MAPK8IP3: variants seen among roughly 807,000 people sequenced by gnomAD.
MAPK8IP3 encodes the protein C-Jun-amino-terminal kinase-interacting protein 3.
A neutral mutation model predicts 157.8 loss-of-function variants in MAPK8IP3; 49 were observed. That is an observed-to-expected ratio of 0.31 (90% CI 0.25 to 0.39). The LOEUF (loss-of-function observed/expected upper bound fraction) is 0.39, where lower values mean the gene tolerates loss of function less well. Among genes scored for constraint, MAPK8IP3 ranks in the 10% least tolerant of loss-of-function variants. The pLI is 1.00. For missense variants in MAPK8IP3, 1,478 were observed against 1,889.4 expected (o/e 0.78, Z 4.04); for synonymous variants, 897 against 777.7 (o/e 1.15, Z -2.55).
intron 8 of MAPK8IP3, among the ~76,000 whole-genome samples, chr16:1,750,369 C>T (rs1258274624): frequency 5.9e-5 from 9 of 151,976 alleles, no homozygotes; most frequent in Admixed American, 2.6e-4. Flanking sequence ...CGCGCCACCA[C>T]GCCCGGCTAA....
rs1490283480 is a variant in MAPK8IP3, at chr16:1,766,665, G to A, written c.2939+17G>A. Reference sequence around the variant, plus strand: ...GAACGGCTGGTAGGAAGGGCCCGGGGCAAGGTGGAGGGAGGGTCCTGGGTG... The same window carrying A: ...GAACGGCTGGTAGGAAGGGCCCGGGACAAGGTGGAGGGAGGGTCCTGGGTG... On this transcript the variant is annotated intron_variant, in intron 23 of 31. Transcript: ENST00000610761. 1 of 1,612,386 alleles carries A rather than the reference G, an allele frequency of 6.2e-7. No individual in the cohort carries two copies. Among genetic ancestry groups the A allele is most frequent in the Non-Finnish European group, 8.5e-7 (1 of 1,179,884 alleles).
chr16:1,749,203 G>A (rs1596713980), intron 8 of MAPK8IP3, among the ~76,000 whole-genome samples: 1 of 152,208 alleles, frequency 6.6e-6, no homozygotes, highest in East Asian at 1.9e-4. Context: ...CGCTTCGAGT[G>A]CACGGTGCGG....
At chr16:1,748,092 A>G in intron 6 of MAPK8IP3, 152 bp from the exon 7 acceptor site, 2 of 627,022 alleles carry the variant, frequency 3.2e-6, no homozygotes, top group Non-Finnish European at 5.7e-6. Flanking sequence ...ACCTCTGCCC[A>G]GTCAGCCTGG....
At chr16:1,759,084 A>T in intron 10 of MAPK8IP3, 89 bp downstream of exon 10, 1 of 1,562,256 alleles carries the variant, frequency 6.4e-7, no homozygotes, top group South Asian at 1.1e-5. Context: ...GTTCTGCATG[A>T]TGGGGACAGT....
chr16:1,743,433 A>C lies in MAPK8IP3; in HGVS notation c.704A>C (p.His235Pro). 2 of 1,609,688 alleles carry C rather than the reference A, an allele frequency of 1.2e-6. No homozygotes were observed. The highest frequency in any genetic ancestry group is 1.7e-6 in the Non-Finnish European group (2 of 1,178,588). Residue 235 changes from histidine (H) to proline (P), a missense_variant, in exon 5 of 32, where the codon CAC becomes CCC. Around this residue, in one of 11 missense-constraint regions of MAPK8IP3, gnomAD observed 315 missense variants for 394.4 expected, o/e 0.80. Coordinates refer to ENST00000610761, the MANE Select transcript of MAPK8IP3 (RefSeq NM_001318852.2). The surrounding 1 kb of genome is among the most constrained non-coding windows in gnomAD (Gnocchi z 5.6). ...CTCGTGCCTGCGGGGGACCACTGGC[A>C]CCTGAGTGACCTCGGCCAGCTGCAG... Reference protein sequence around the residue: ...GKLVPAGDHWHLSDLGQLQSS... With the variant: ...GKLVPAGDHWPLSDLGQLQSS...
intron 4 of MAPK8IP3, among the ~76,000 whole-genome samples, chr16:1,739,105 C>T (rs1322479091): frequency 4.2e-5 from 5 of 119,456 alleles, no homozygotes; most frequent in African/African-American, 1.3e-4. Flanking sequence ...TCTGTGTGAC[C>T]GTCTGTGTGA....
chr16:1,737,279 C>T lies in MAPK8IP3; in HGVS notation c.603-6053C>T, dbSNP rs1455329595. Among the ~76,000 whole-genome samples, 6 of 84,660 alleles carry T rather than the reference C, an allele frequency of 7.1e-5. 1 individual carries two copies. Among genetic ancestry groups the T allele is most frequent in the African/African-American group, 1.1e-4 (2 of 18,286 alleles). 55.5% of individuals were successfully genotyped at this position (84,660 alleles called of 152,430 possible). ...GCGTCCGTGTGAGCGTGTGAGCGTCCGTGTGAGTGTGACCATCCATGTGAG... is the reference window on the plus strand; with the variant it reads ...GCGTCCGTGTGAGCGTGTGAGCGTCTGTGTGAGTGTGACCATCCATGTGAG... On this transcript the variant is annotated intron_variant, in intron 4 of 31. Coordinates refer to ENST00000610761, the MANE Select transcript of MAPK8IP3 (RefSeq NM_001318852.2).
chr16:1,750,287 A>G (rs937372833), intron 8 of MAPK8IP3, among the ~76,000 whole-genome samples: 16 of 152,116 alleles, frequency 1.1e-4, no homozygotes, highest in African/African-American at 3.6e-4. Flanking sequence ...ATCTTGGCTC[A>G]CTGCAACCTC....
rs765790945 is a variant in MAPK8IP3, at chr16:1,768,863, C to T, written c.*39C>T. The T allele has an allele frequency of 6.9e-6, 11 of 1,601,658 alleles. No individual in the cohort carries two copies. The highest frequency in any genetic ancestry group is 3.4e-5 in the Admixed American group (2 of 59,686). On this transcript the variant is annotated 3_prime_UTR_variant, in exon 32 of 32. Transcript: ENST00000610761. The stretch of plus-strand genomic sequence containing the variant: ...CCTGGCCCGACCTGTACATAGGACC[C>T]CCGACCACCTGACCCCCGCCCGGCC...
Position 1,706,290 on chromosome 16 carries a change from C to T in MAPK8IP3, c.-50C>T. 2 of 1,481,564 alleles carry T rather than the reference C, an allele frequency of 1.3e-6. No individual in the cohort carries two copies. The highest frequency in any genetic ancestry group is 1.8e-6 in the Non-Finnish European group (2 of 1,115,854). 91.8% of individuals were successfully genotyped at this position (1,481,564 alleles called of 1,614,324 possible). On this transcript the variant is annotated 5_prime_UTR_variant, in exon 1 of 32. Coordinates refer to ENST00000610761, the MANE Select transcript of MAPK8IP3 (RefSeq NM_001318852.2). The surrounding 1 kb of genome is among the most constrained non-coding windows in gnomAD (Gnocchi z 5.1). ...GGAACCTGAGGCAGCTGGGGAGGGC[C>T]GGGCGCGCCGGCCGGATAGCGAGCC...
At chr16:1,735,322 G>A (rs2039604157) in intron 4 of MAPK8IP3, among the ~76,000 whole-genome samples, 1 of 151,622 alleles carries the variant, frequency 6.6e-6, no homozygotes. Context: ...TTCCGTGTGT[G>A]TCCATGTGAG....
At chr16:1,762,042 G>A (rs984937409) in intron 13 of MAPK8IP3, among the ~76,000 whole-genome samples, 4 of 152,168 alleles carry the variant, frequency 2.6e-5, no homozygotes, top group African/African-American at 9.7e-5. Flanking sequence ...CCCCTCCTGG[G>A]TGACACCTGA....
chr16:1,729,813 C>G (rs913783426), intron 4 of MAPK8IP3, among the ~76,000 whole-genome samples: 1 of 152,096 alleles, frequency 6.6e-6, no homozygotes, highest in Non-Finnish European at 1.5e-5. Context: ...CCCTTCTGCT[C>G]GGTCCACAAT....
chr16:1,728,238 C>T (rs900647456), intron 2 of MAPK8IP3, among the ~76,000 whole-genome samples: 3 of 152,196 alleles, frequency 2.0e-5, no homozygotes, highest in Admixed American at 1.3e-4. Flanking sequence ...GTTGGTGTCA[C>T]GGGGGGCCTC....
intron 13 of MAPK8IP3, among the ~76,000 whole-genome samples, chr16:1,762,121 A>G (rs1233364065): frequency 2.0e-5 from 3 of 152,190 alleles, no homozygotes; most frequent in Non-Finnish European, 4.4e-5. Context: ...CTTGGGCAGG[A>G]CCACAGCCCT....
chr16:1,723,712 C>A (rs575990598), intron 1 of MAPK8IP3, among the ~76,000 whole-genome samples: 16 of 152,302 alleles, frequency 1.1e-4, no homozygotes, highest in Admixed American at 5.2e-4. Context: ...GTTTTCTACT[C>A]TGTAAAAATG....
At chr16:1,762,773 G>C (rs2042026848) in intron 15 of MAPK8IP3, 42 bp downstream of exon 15, 16 of 1,590,546 alleles carry the variant, frequency 1.0e-5, no homozygotes, top group Non-Finnish European at 1.4e-5. Context: ...GCAGCTGCAG[G>C]GGAAGGGGCA....
chr16:1,727,684 G>A (rs527710784), intron 2 of MAPK8IP3, among the ~76,000 whole-genome samples: 1 of 152,202 alleles, frequency 6.6e-6, no homozygotes, highest in Non-Finnish European at 1.5e-5. Context: ...AGGCTCCTTA[G>A]GGAAGACCAG....
chr16:1,724,704 C>T lies in MAPK8IP3; in HGVS notation c.439+27C>T, dbSNP rs747264149. 8 of 1,604,358 alleles carry T rather than the reference C, an allele frequency of 5.0e-6. No individual in the cohort carries two copies. The highest frequency in any genetic ancestry group is 3.3e-5 in the Admixed American group (2 of 59,852). On this transcript the variant is annotated intron_variant, in intron 2 of 31. Transcript: ENST00000610761. This position sits in a 1 kb window ranked among gnomAD's most constrained non-coding sequence, Gnocchi z 4.1. Reference sequence around the variant, plus strand: ...TAAGTGGCTGGCGGGAGCCTGGAGGCGCGCTTGATGGGCGCTGCTCTGGGA... The same window carrying T: ...TAAGTGGCTGGCGGGAGCCTGGAGGTGCGCTTGATGGGCGCTGCTCTGGGA...
Sources: allele counts gnomAD v4.1 joint callset (sites outside exome capture counted in the v4.1 genomes callset), GRCh38; gene constraint gnomAD v4.1.1; regional missense constraint gnomAD v4.1.1; non-coding constraint Gnocchi (gnomAD v3.1); transcripts MANE v1.5; gene names NCBI Gene and HGNC (gene_info 2026-07-23, HGNC 2026-07-21).